The following PKHD1 variants were observed in gnomAD, a reference collection of about 807,000 sequenced individuals.
PKHD1 encodes fibrocystin.
Under a neutral mutation model 412.0 loss-of-function variants are expected in PKHD1, and 291 were observed. That is an observed-to-expected ratio of 0.71 (90% CI 0.64 to 0.78). The LOEUF (loss-of-function observed/expected upper bound fraction) is 0.78. PKHD1 is among the 30% of genes least tolerant of loss of function. The probability of loss-of-function intolerance (pLI) is 0.00; values close to 1 mark genes in which losing one functional copy is unlikely to be tolerated. For missense variants in PKHD1, 4,825 were observed against 4,950.7 expected, an observed-to-expected ratio of 0.97 and a Z score of 0.76; for synonymous variants, 1,777 against 1,821.5, an observed-to-expected ratio of 0.98 and a Z score of 0.62.
intron 37 of PKHD1, among the ~76,000 whole-genome samples, chr6:51,917,862 C>T (rs985154542): frequency 1.3e-5 from 2 of 152,152 alleles, no homozygotes; most frequent in Non-Finnish European, 2.9e-5. Context: ...TTGGAAACCA[C>T]TAAATGAATA....
At chr6:51,796,417 C>T (rs1437509552) in intron 52 of PKHD1, among the ~76,000 whole-genome samples, 1 of 133,424 alleles carries the variant, frequency 7.5e-6, no homozygotes, top group African/African-American at 2.8e-5. Flanking sequence ...ATCTAGCTAG[C>T]AGTCTATTTA....
chr6:51,629,336 G>A (rs2248157), intron 65 of PKHD1, among the ~76,000 whole-genome samples: 6,509 of 151,968 alleles, frequency 0.043, 236 homozygotes, highest in African/African-American at 0.093. Context: ...CCTAATACCA[G>A]AATCTATAAG....
chr6:52,026,284 AT>A (rs1350030359), intron 31 of PKHD1, 103 bp from the exon 32 acceptor site: 3 of 1,098,386 alleles, frequency 2.7e-6, no homozygotes, highest in African/African-American at 1.6e-5. Flanking sequence ...AAGGTAGGGC[AT>A]GTGTTAGTGA....
At chr6:51,826,135 C>T (rs1767269219) in intron 52 of PKHD1, among the ~76,000 whole-genome samples, 1 of 152,110 alleles carries the variant, frequency 6.6e-6, no homozygotes, top group Non-Finnish European at 1.5e-5. Context: ...GATCATCTTG[C>T]TTCATATCAC....
At chr6:51,804,789 A>G (rs888751944) in intron 52 of PKHD1, among the ~76,000 whole-genome samples, 2 of 152,144 alleles carry the variant, frequency 1.3e-5, no homozygotes, top group African/African-American at 4.8e-5. Context: ...TACATCCAAA[A>G]GACTGAAAAG....
intron 27 of PKHD1, among the ~76,000 whole-genome samples, chr6:52,038,577 G>C (rs542421631): frequency 3.9e-5 from 6 of 152,082 alleles, no homozygotes; most frequent in Admixed American, 2.0e-4. Context: ...GGTTCAGAAG[G>C]AACCAACACT....
At chr6:51,959,182 C>T (rs1791613445) in intron 36 of PKHD1, among the ~76,000 whole-genome samples, 1 of 152,124 alleles carries the variant, frequency 6.6e-6, no homozygotes. Flanking sequence ...CTAATCATAT[C>T]TCCCATGTAA....
At chr6:52,086,390 C>T (rs1015086407) in intron 1 of PKHD1, among the ~76,000 whole-genome samples, 32 of 151,994 alleles carry the variant, frequency 2.1e-4, no homozygotes, top group African/African-American at 7.2e-4. Context: ...GGATTACAGG[C>T]ATGAACCACC....
At chr6:51,882,262 A>G (rs544395301) in intron 46 of PKHD1, among the ~76,000 whole-genome samples, 3 of 152,314 alleles carry the variant, frequency 2.0e-5, no homozygotes, top group African/African-American at 7.2e-5. Flanking sequence ...GGGAAAAAAA[A>G]ACTGGCACTT....
At chr6:51,867,230 A>G (rs554703363) in intron 48 of PKHD1, among the ~76,000 whole-genome samples, 8 of 152,188 alleles carry the variant, frequency 5.3e-5, no homozygotes, top group Non-Finnish European at 2.9e-5. Flanking sequence ...CTAGACATTC[A>G]GCAATCATTA....
chr6:51,777,677 GGGAA>G, intron 53 of PKHD1, among the ~76,000 whole-genome samples: 1 of 108,482 alleles, frequency 9.2e-6, no homozygotes, highest in Non-Finnish European at 1.8e-5. Context: ...TAGAGTCTTT[GGGAA>G]AAAAAAAAAA....
At chr6:51,936,164 G>T (rs1343559198) in intron 36 of PKHD1, among the ~76,000 whole-genome samples, 1 of 152,174 alleles carries the variant, frequency 6.6e-6, no homozygotes, top group Non-Finnish European at 1.5e-5. Context: ...ACAATTAATG[G>T]TTGAGTGAAT....
chr6:51,927,567 T>G (rs1172545184), intron 37 of PKHD1, among the ~76,000 whole-genome samples: 2 of 152,062 alleles, frequency 1.3e-5, no homozygotes, highest in Non-Finnish European at 2.9e-5. Flanking sequence ...GAGCGAGGTG[T>G]GAAACTACTT....
chr6:51,661,945 A>C (rs954651844), intron 60 of PKHD1, among the ~76,000 whole-genome samples: 3 of 152,046 alleles, frequency 2.0e-5, no homozygotes, highest in Non-Finnish European at 2.9e-5. Flanking sequence ...TTATAAATCT[A>C]TGCTAAACCT....
At chr6:51,886,160 C>G (rs1778179854) in intron 44 of PKHD1, among the ~76,000 whole-genome samples, 188 bp from the exon 45 acceptor site, 1 of 152,144 alleles carries the variant, frequency 6.6e-6, no homozygotes, top group Admixed American at 6.5e-5. Flanking sequence ...GTGACCTGCT[C>G]CCGAATCCCA....
At chr6:51,621,368 C>T (rs1766596912) in intron 66 of PKHD1, among the ~76,000 whole-genome samples, 2 of 152,246 alleles carry the variant, frequency 1.3e-5, no homozygotes, top group Middle Eastern at 3.4e-3. Flanking sequence ...AATAAATTAT[C>T]AGGTAGAAGC....
At chr6:51,924,791 G>A (rs4711987) in intron 37 of PKHD1, among the ~76,000 whole-genome samples, 58,173 of 151,966 alleles carry the variant, frequency 0.38, 11,942 homozygotes, top group East Asian at 0.76. Flanking sequence ...ATTGGAAAAC[G>A]GTAAACACCA....
intron 60 of PKHD1, among the ~76,000 whole-genome samples, chr6:51,662,253 A>G (rs1160706415): frequency 6.6e-6 from 1 of 151,920 alleles, no homozygotes; most frequent in African/African-American, 2.4e-5. Flanking sequence ...AAAAGATACA[A>G]TGGACAGCAT....
chr6:51,678,958 T>C (rs757987929), intron 60 of PKHD1, among the ~76,000 whole-genome samples: 1 of 152,114 alleles, frequency 6.6e-6, no homozygotes, highest in Non-Finnish European at 1.5e-5. Flanking sequence ...TTACCCAGAA[T>C]GATAAACTTA....
Sources: allele counts gnomAD v4.1 joint callset (sites outside exome capture counted in the v4.1 genomes callset), GRCh38; gene constraint gnomAD v4.1.1; transcripts MANE v1.5; gene names NCBI Gene and HGNC (gene_info 2026-07-23, HGNC 2026-07-21).